Variants in EVL observed in about 807,000 individuals in gnomAD.
The protein encoded by EVL is Enah/Vasp-like, also known as ena/VASP-like protein.
Under a neutral mutation model 59.6 loss-of-function variants are expected in EVL, and 21 were observed. The observed-to-expected ratio is 0.35, with a 90% CI of 0.25 to 0.51. The LOEUF is 0.51. Among genes scored for constraint, EVL ranks in the 20% least tolerant of loss-of-function variants. The probability of loss-of-function intolerance (pLI) is 0.97; values close to 1 mark genes in which losing one functional copy is unlikely to be tolerated. For synonymous variants in EVL, 198 were observed against 203.5 expected (o/e 0.97, Z 0.23); for missense variants, 462 against 546.6 (o/e 0.85, Z 1.54).
upstream of EVL, among the ~76,000 whole-genome samples, chr14:100,062,709 A>T (rs1211031273): frequency 2.0e-5 from 3 of 152,216 alleles, no homozygotes; most frequent in Admixed American, 2.0e-4. Flanking sequence ...TACTTTAAAT[A>T]CAAAGATACA....
intron 1 of EVL, among the ~76,000 whole-genome samples, chr14:100,016,623 A>G (rs189180143): frequency 8.7e-4 from 133 of 152,338 alleles, no homozygotes; most frequent in African/African-American, 3.1e-3. Context: ...AAAACACATT[A>G]TGTGGTCACA....
intron 1 of EVL, among the ~76,000 whole-genome samples, chr14:100,013,804 AG>A (rs1352582181): frequency 1.3e-5 from 2 of 152,370 alleles, no homozygotes; most frequent in African/African-American, 4.8e-5. Flanking sequence ...TACAATGGTC[AG>A]ATTGTGCGGG....
intron 1 of EVL, among the ~76,000 whole-genome samples, chr14:100,024,029 C>T (rs1253805041): frequency 1.4e-4 from 21 of 152,174 alleles, no homozygotes; most frequent in Non-Finnish European, 7.3e-5. Flanking sequence ...CTCAGAACTC[C>T]TGGTATTTGA....
At chr14:100,070,520 C>T (rs766439595) in intron 1 of EVL, among the ~76,000 whole-genome samples, 2 of 152,182 alleles carry the variant, frequency 1.3e-5, no homozygotes, top group African/African-American at 4.8e-5. Flanking sequence ...TGTAGCACCC[C>T]GTGCCTGCGT....
rs773502273 is a variant in EVL at position 100,128,559 on chromosome 14, C to T, written c.528C>T (p.Ser176=). 7 of 1,611,000 alleles carry T rather than the reference C, an allele frequency of 4.3e-6. No homozygotes were observed. The highest frequency in any genetic ancestry group is 1.3e-5 in the African/African-American group (1 of 74,936). Residue 176 remains serine (S), a synonymous_variant, in exon 6 of 14, where the codon AGC becomes AGT. Transcript: ENST00000392920. ...LPPGHPSSAA[S]APVSCSGPPP... ...CAGGACATCCTTCATCTGCAGCCAG[C>T]GCCCCCGTCTCATGTAGTGGGCCTC...
chr14:100,082,230 T>G (rs1220603695), intron 1 of EVL, among the ~76,000 whole-genome samples: 2 of 150,116 alleles, frequency 1.3e-5, no homozygotes, highest in African/African-American at 4.9e-5. Context: ...TCTGACTGCC[T>G]TACTAGCTGT....
chr14:100,054,818 T>C (rs1478342870), intron 1 of EVL, among the ~76,000 whole-genome samples: 1 of 152,178 alleles, frequency 6.6e-6, no homozygotes. Context: ...TTTCTTTCAA[T>C]GGCACTGACC....
At chr14:100,131,139 G>C (rs1888411203) in intron 7 of EVL, among the ~76,000 whole-genome samples, 1 of 152,174 alleles carries the variant, frequency 6.6e-6, no homozygotes, top group East Asian at 1.9e-4. Flanking sequence ...GCAGGGCATC[G>C]GGTTCCACCT....
chr14:100,060,826 G>A (rs1295655079), upstream of EVL, among the ~76,000 whole-genome samples: 6 of 152,180 alleles, frequency 3.9e-5, no homozygotes, highest in African/African-American at 1.4e-4. Flanking sequence ...AAGTCACACT[G>A]CTGAAAACGA....
chr14:100,016,418 A>G (rs1009675410), intron 1 of EVL, among the ~76,000 whole-genome samples: 1 of 152,066 alleles, frequency 6.6e-6, no homozygotes, highest in Non-Finnish European at 1.5e-5. Context: ...AATACCAGTT[A>G]CTCGGGAGGC....
intron 3 of EVL, chr14:100,102,346 C>T (rs1269131453): frequency 2.2e-6 from 1 of 456,084 alleles, no homozygotes; most frequent in Non-Finnish European, 4.4e-6. Flanking sequence ...GTATTTCCTT[C>T]CACAAATGAA....
chr14:100,121,308 C>G (rs998831847), intron 3 of EVL, among the ~76,000 whole-genome samples: 3 of 152,186 alleles, frequency 2.0e-5, no homozygotes, highest in African/African-American at 7.2e-5. Context: ...CACGGGGAAG[C>G]TGTGCCGGGG....
chr14:100,125,620 A>G (rs1423708682), intron 4 of EVL, among the ~76,000 whole-genome samples: 1 of 151,572 alleles, frequency 6.6e-6, no homozygotes, highest in Non-Finnish European at 1.5e-5. Flanking sequence ...TAGTGACGCA[A>G]TCTTGGCTAA....
At position 100,036,853 on chromosome 14, in the gene EVL, CTT is replaced by C. The variant is rs372569956; in HGVS notation, c.6-47832_6-47831del. ...GTTGAAGCCCCTGACCTCAGTGTGACTTTATTCAGAGATAGGGCCTTTAAGGA... is the reference window on the plus strand; with the variant it reads ...GTTGAAGCCCCTGACCTCAGTGTGACTATTCAGAGATAGGGCCTTTAAGGA... On this transcript the variant is annotated intron_variant, in intron 1 of 13. Transcript: ENST00000402714. Among the ~76,000 whole-genome samples the C allele has an allele frequency of 8.0e-4, 122 of 152,252 alleles. 1 individual carries two copies. The highest frequency in any genetic ancestry group is 2.6e-3 in the African/African-American group (110 of 41,538).
At chr14:100,099,058 TGG>T in intron 3 of EVL, among the ~76,000 whole-genome samples, 1 of 151,468 alleles carries the variant, frequency 6.6e-6, no homozygotes, top group African/African-American at 2.4e-5. Flanking sequence ...AAATATCTAC[TGG>T]CGCCAGGCGT....
At chr14:100,010,728 A>G (rs1449690460) in intron 1 of EVL, among the ~76,000 whole-genome samples, 2 of 152,116 alleles carry the variant, frequency 1.3e-5, no homozygotes, top group Non-Finnish European at 2.9e-5. Flanking sequence ...GTACCTCTGT[A>G]GTGATTTTGG....
intron 3 of EVL, among the ~76,000 whole-genome samples, chr14:100,112,949 C>T (rs1432141208): frequency 1.3e-5 from 2 of 152,164 alleles, no homozygotes; most frequent in African/African-American, 2.4e-5. Context: ...AGACTTGGTC[C>T]CTGTGTTCAC....
intron 1 of EVL, among the ~76,000 whole-genome samples, chr14:100,049,609 A>C (rs1403097336): frequency 6.6e-6 from 1 of 152,164 alleles, no homozygotes; most frequent in Non-Finnish European, 1.5e-5. Context: ...TTCAGTCTGC[A>C]TTTGGGGCAT....
At position 100,109,308 on chromosome 14, in the gene EVL, T is replaced by C; in HGVS notation, c.358+11650T>C. 2 of 347,884 alleles carry C rather than the reference T, an allele frequency of 5.7e-6. No homozygotes were observed. The highest frequency in any genetic ancestry group is 4.4e-5 in the South Asian group (2 of 45,606). The allele number at this position is 347,884 out of a possible 1,614,324, so 21.5% of individuals were successfully genotyped here. On this transcript the variant is annotated intron_variant, in intron 3 of 13. Transcript: ENST00000392920. This position sits in a 1 kb window ranked among gnomAD's most constrained non-coding sequence, Gnocchi z 4.3. ...ATGCATGTTCTCTCCATACTCCTGGTCACCTTCTGCTCATCCTTTGCCCTG... is the reference window on the plus strand; with the variant it reads ...ATGCATGTTCTCTCCATACTCCTGGCCACCTTCTGCTCATCCTTTGCCCTG...
Sources: gnomAD v4.1 joint callset for allele counts (sites outside exome capture counted in the v4.1 genomes callset) on GRCh38, gnomAD v4.1.1 for gene constraint, Gnocchi (gnomAD v3.1) non-coding constraint, MANE v1.5 for transcripts, NCBI Gene and HGNC (gene_info 2026-07-23, HGNC 2026-07-21) for gene names.